The following ACSL6 variants were observed in gnomAD, a reference collection of about 807,000 sequenced individuals.
ACSL6 encodes the protein long-chain-fatty-acid--CoA ligase 6.
Under a neutral mutation model 98.2 loss-of-function variants are expected in ACSL6, and 47 were observed. That is an observed-to-expected ratio of 0.48 (90% confidence interval 0.38 to 0.61). The LOEUF is 0.61. ACSL6 is among the 20% of genes least tolerant of loss of function. The pLI is 0.00. For missense variants in ACSL6, 761 were observed against 913.4 expected (o/e 0.83, Z 2.15); for synonymous variants, 362 against 336.9 (o/e 1.07, Z -0.82).
At position 131,973,266 on chromosome 5, in the gene ACSL6, C is replaced by T. The variant is rs1753414867; in HGVS notation, c.1203G>A (p.Lys401=). The T allele has an allele frequency of 6.2e-7, 1 of 1,613,860 alleles. No homozygotes were observed. The highest frequency in any genetic ancestry group is 1.7e-5 in the Admixed American group (1 of 59,986). The part of the protein sequence containing the change: ...VPRLLNRMYD[K]IFSQANTPLK... ...GCTGAAGACTCCCTGCAGAACTTAC[C>T]TTGTCGTACATCCGGTTCAGCAGTC... The change falls in exon 12 of 21, where the codon AAG becomes AAA. Residue 401 remains lysine (K), a splice_region_variant and synonymous_variant. Coordinates refer to ENST00000651883, the MANE Select transcript of ACSL6 (RefSeq NM_001009185.3).
At chr5:132,001,124 G>A (rs535821888) in intron 1 of ACSL6, among the ~76,000 whole-genome samples, 2 of 152,240 alleles carry the variant, frequency 1.3e-5, no homozygotes, top group Non-Finnish European at 2.9e-5. Context: ...TATCTTCAGA[G>A]ATGCTTTTAA....
At chr5:131,981,106 C>T (rs1033838767) in intron 9 of ACSL6, among the ~76,000 whole-genome samples, 1 of 152,128 alleles carries the variant, frequency 6.6e-6, no homozygotes, top group Admixed American at 6.5e-5. Flanking sequence ...CCATCTCCTC[C>T]CTGGTACTTG....
chr5:131,969,943 C>T (rs140137904), intron 15 of ACSL6, among the ~76,000 whole-genome samples, 185 bp downstream of exon 15: 1 of 152,296 alleles, frequency 6.6e-6, no homozygotes, highest in African/African-American at 2.4e-5. Flanking sequence ...GGAAAAACCT[C>T]AACAGTGTTT....
At position 131,957,841 on chromosome 5, in the gene ACSL6, G is replaced by T. The variant is rs187072056; in HGVS notation, c.2031+1695C>A. ...TTTTGCTTTCCTGTGGTCAGCTGAG[G>T]GCACACACTGGCTATGGTAGGGAGG... On this transcript the variant is annotated intron_variant, in intron 20 of 20. Coordinates refer to ENST00000651883, the MANE Select transcript of ACSL6 (RefSeq NM_001009185.3). Among the ~76,000 whole-genome samples the T allele has an allele frequency of 1.3e-4, 20 of 152,276 alleles. No individual in the cohort carries two copies. The East Asian group carries it at 3.9e-3, about 29-fold the overall frequency.
chr5:131,985,401 G>T lies in ACSL6; in HGVS notation c.916+6C>A, dbSNP rs866294562. 1 of 1,614,060 alleles carries T rather than the reference G, an allele frequency of 6.2e-7. No individual in the cohort carries two copies. ...CATGGCTGGGGATCTGCGTGCCTCTGCTTACCTGTCGTGCCGCTTGTGAAA... is the reference window on the plus strand; with the variant it reads ...CATGGCTGGGGATCTGCGTGCCTCTTCTTACCTGTCGTGCCGCTTGTGAAA... On this transcript the variant is annotated splice_donor_region_variant and intron_variant, in intron 9 of 20. Transcript: ENST00000651883.
intron 9 of ACSL6, chr5:131,982,542 C>T (rs1172840470): frequency 6.6e-6 from 1 of 152,338 alleles, no homozygotes; most frequent in Non-Finnish European, 1.5e-5. Context: ...CTCCTCTAGC[C>T]TCTCCAGCCC....
intron 1 of ACSL6, chr5:131,999,640 A>C (rs1580694854): frequency 6.6e-6 from 1 of 152,432 alleles, no homozygotes; most frequent in South Asian, 2.1e-4. Context: ...CAGTGGTAGC[A>C]CAGGCTCCCT....
Position 131,959,537 on chromosome 5 carries a change from T to C in ACSL6, c.2030A>G (p.Gln677Arg). The change falls in exon 20 of 21, where the codon CAG becomes CGG. Residue 677 changes from glutamine (Q) to arginine (R), a missense_variant and splice_region_variant. Coordinates refer to ENST00000651883, the MANE Select transcript of ACSL6 (RefSeq NM_001009185.3). ...GAGTATGGGGAAGGTAACAGTTACCTGCTCAAAAGAATGGAGTCCACTTTC... is the reference window on the plus strand; with the variant it reads ...GAGTATGGGGAAGGTAACAGTTACCCGCTCAAAAGAATGGAGTCCACTTTC... ...GKESGLHSFEQVKAIHIHSDM... is the reference protein window; with the variant it reads ...GKESGLHSFERVKAIHIHSDM... 1 of 1,614,178 alleles carries C rather than the reference T, an allele frequency of 6.2e-7. No homozygotes were observed. The highest frequency in any genetic ancestry group is 1.1e-5 in the South Asian group (1 of 91,072).
intron 10 of ACSL6, among the ~76,000 whole-genome samples, chr5:131,976,439 G>A (rs1228109559): frequency 6.6e-5 from 10 of 151,782 alleles, no homozygotes; most frequent in South Asian, 2.1e-4. Flanking sequence ...TATTTGTCAC[G>A]TATGGGTCAT....
intron 3 of ACSL6, 94 bp downstream of exon 3, chr5:131,990,759 C>T: frequency 2.6e-6 from 3 of 1,157,320 alleles, no homozygotes; most frequent in Non-Finnish European, 3.8e-6. Flanking sequence ...GCTCACCTGC[C>T]ATGGCCCTGG....
chr5:131,975,531 G>A, intron 10 of ACSL6: 1 of 985,418 alleles, frequency 1.0e-6, no homozygotes, highest in Non-Finnish European at 1.2e-6. Flanking sequence ...ACTGTGGCTG[G>A]GGTATGAGCC....
intron 18 of ACSL6, among the ~76,000 whole-genome samples, chr5:131,961,158 G>A (rs1374439726): frequency 6.6e-6 from 1 of 151,932 alleles, no homozygotes; most frequent in African/African-American, 2.4e-5. Flanking sequence ...CCGAGTAGCT[G>A]GGACTACAGG....
In ACSL6 at chr5:131,974,476, T is replaced by A. The variant is rs561255654; in HGVS notation, c.1068+417A>T. ...CACAGAGCTTGAATGGTAAAGCACTTCTGCAAAGCTGCAATACTCTCTGAG... is the reference window on the plus strand; with the variant it reads ...CACAGAGCTTGAATGGTAAAGCACTACTGCAAAGCTGCAATACTCTCTGAG... On this transcript the variant is annotated intron_variant, in intron 11 of 20. Coordinates refer to ENST00000651883, the MANE Select transcript of ACSL6 (RefSeq NM_001009185.3). Among the ~76,000 whole-genome samples the A allele has an allele frequency of 8.5e-5, 13 of 152,338 alleles. No individual in the cohort carries two copies. The East Asian group carries it at 2.5e-3, about 29-fold the overall frequency.
intron 3 of ACSL6, 124 bp downstream of exon 3, chr5:131,990,729 C>A: frequency 1.2e-6 from 1 of 827,276 alleles, no homozygotes; most frequent in African/African-American, 1.7e-5. Context: ...AGTAGCTTCT[C>A]TCCACTGAAC....
chr5:131,986,699 G>T, intron 8 of ACSL6, 123 bp downstream of exon 8: 1 of 1,246,362 alleles, frequency 8.0e-7, no homozygotes, highest in Non-Finnish European at 1.2e-6. Context: ...GGCATTTCCT[G>T]GCTTGCACAC....
chr5:131,999,629 G>C (rs943258340), intron 1 of ACSL6: 1 of 152,364 alleles, frequency 6.6e-6, no homozygotes, highest in African/African-American at 2.4e-5. Flanking sequence ...AGAGCCGTTA[G>C]CAGTGGTAGC....
chr5:131,989,345 T>C, intron 5 of ACSL6, 62 bp downstream of exon 5: 1 of 1,495,792 alleles, frequency 6.7e-7, no homozygotes, highest in South Asian at 1.1e-5. Flanking sequence ...AGCAGGACTA[T>C]TCCATGGCAG....
Position 131,966,480 on chromosome 5 carries a change from C to T in ACSL6, c.1649G>A (p.Arg550Lys). ...ATCGCTGTCCAGGGCCTCCTTCGTCCTGTCTGGATCTTTCAAGTAGCCTTT... is the reference window on the plus strand; with the variant it reads ...ATCGCTGTCCAGGGCCTCCTTCGTCTTGTCTGGATCTTTCAAGTAGCCTTT... The part of the protein sequence containing the change: ...VFKGYLKDPD[R>K]TKEALDSDGW... The change falls in exon 17 of 21, where the codon AGG (arginine) becomes AAG (lysine). Residue 550 changes from arginine to lysine, a missense_variant. Transcript: ENST00000651883. 1 of 1,614,198 alleles carries T rather than the reference C, an allele frequency of 6.2e-7. No individual in the cohort carries two copies. The highest frequency in any genetic ancestry group is 1.1e-5 in the South Asian group (1 of 91,088).
rs1239778152 is a variant in ACSL6 at position 131,951,443 on chromosome 5, T to G, written c.*2791A>C. 4.9e-6 allele frequency: 1 copy of G among 203,538 alleles called. No homozygotes were observed. Among genetic ancestry groups the G allele is most frequent in the Non-Finnish European group, 1.0e-5 (1 of 99,358 alleles). 12.6% of individuals were successfully genotyped at this position (203,538 alleles called of 1,614,324 possible). A position where few individuals can be genotyped will look rare whatever the true frequency, so the allele number is the denominator to read the frequency against. The stretch of plus-strand genomic sequence containing the variant: ...AATAGATAAATGTACATGCAAGATA[T>G]TTAGGGTACACTATTTACTTTTCTC... On this transcript the variant is annotated 3_prime_UTR_variant, in exon 21 of 21. Coordinates refer to ENST00000651883, the MANE Select transcript of ACSL6 (RefSeq NM_001009185.3).
Sources: gnomAD v4.1 joint callset for allele counts (sites outside exome capture counted in the v4.1 genomes callset) on GRCh38, gnomAD v4.1.1 for gene constraint, MANE v1.5 for transcripts, NCBI Gene and HGNC (gene_info 2026-07-23, HGNC 2026-07-21) for gene names.